Variants in SOX6 observed in about 807,000 individuals in gnomAD.
SOX6 encodes the protein transcription factor SOX-6.
SOX6 carries 11 observed loss-of-function variants against 97.8 expected under a neutral mutation model. The ratio of observed to expected loss-of-function variants is 0.11; its 90% CI spans 0.07 to 0.19. SOX6 has a LOEUF of 0.19. Among genes scored for constraint, SOX6 ranks in the 10% least tolerant of loss-of-function variants. The pLI is 1.00. For synonymous variants in SOX6, 360 were observed against 371.4 expected, an observed-to-expected ratio of 0.97 and a Z score of 0.35; for missense variants, 810 against 1,039.5, an observed-to-expected ratio of 0.78 and a Z score of 3.04.
At chr11:16,026,180 A>G (rs1025502691) in intron 12 of SOX6, among the ~76,000 whole-genome samples, 2 of 152,154 alleles carry the variant, frequency 1.3e-5, no homozygotes, top group African/African-American at 4.8e-5. Flanking sequence ...AAATCTTATG[A>G]TTCTATGATA....
chr11:16,646,467 C>T (rs207471674), intron 3 of SOX6, among the ~76,000 whole-genome samples: 6 of 149,104 alleles, frequency 4.0e-5, no homozygotes, highest in African/African-American at 9.8e-5. Context: ...TTTTTATTTT[C>T]TTTGTTTTTT....
At chr11:16,337,334 TAA>T (rs1856494350) in intron 2 of SOX6, among the ~76,000 whole-genome samples, 2 of 152,186 alleles carry the variant, frequency 1.3e-5, no homozygotes, top group South Asian at 4.1e-4. Context: ...CAACAATATA[TAA>T]GTTTATCTGT....
At chr11:16,043,521 G>C (rs953564666) in intron 12 of SOX6, among the ~76,000 whole-genome samples, 1 of 152,090 alleles carries the variant, frequency 6.6e-6, no homozygotes. Flanking sequence ...TGCCAAAATA[G>C]GGATTTACCC....
chr11:16,174,841 C>T (rs1851142133), intron 6 of SOX6, among the ~76,000 whole-genome samples: 1 of 152,008 alleles, frequency 6.6e-6, no homozygotes, highest in Admixed American at 6.6e-5. Flanking sequence ...ATTTACCATC[C>T]TTCTAACTTC....
chr11:16,300,146 T>G lies in SOX6; in HGVS notation c.445+18300A>C, dbSNP rs1302624654. On this transcript the variant is annotated intron_variant, in intron 3 of 15. Coordinates refer to ENST00000683767, the MANE Select transcript of SOX6 (RefSeq NM_001367873.1). This position sits in a 1 kb window ranked among gnomAD's most constrained non-coding sequence, Gnocchi z 4.1. ...GGATGGCAAGCGAGGCCCTTCCTCC[T>G]TCAGCAAGCTTCCCCAGTACTTGGG... Among the ~76,000 whole-genome samples, 1 of 152,138 alleles carries G rather than the reference T, an allele frequency of 6.6e-6. No homozygotes were observed. The highest frequency in any genetic ancestry group is 1.5e-5 in the Non-Finnish European group (1 of 68,030).
At chr11:16,382,998 A>G (rs1307523235) in intron 1 of SOX6, among the ~76,000 whole-genome samples, 2 of 151,948 alleles carry the variant, frequency 1.3e-5, no homozygotes, top group African/African-American at 4.8e-5. Flanking sequence ...TTGAGATTAA[A>G]TCCTGTTTTC....
At chr11:16,525,326 C>T (rs1365001572) in intron 4 of SOX6, among the ~76,000 whole-genome samples, 3 of 150,318 alleles carry the variant, frequency 2.0e-5, no homozygotes, top group Non-Finnish European at 4.5e-5. Context: ...GAAATAACGC[C>T]GCATATCTAC....
intron 9 of SOX6, among the ~76,000 whole-genome samples, chr11:16,057,681 T>C (rs2133923667): frequency 6.6e-6 from 1 of 152,300 alleles, no homozygotes; most frequent in African/African-American, 2.4e-5. Flanking sequence ...CTCATTTTGG[T>C]ACAAGAGCTT....
intron 1 of SOX6, among the ~76,000 whole-genome samples, chr11:16,349,933 A>ATGCC (rs1856892933): frequency 6.6e-6 from 1 of 152,174 alleles, no homozygotes; most frequent in Non-Finnish European, 1.5e-5. Context: ...CCTATAGCTA[A>ATGCC]TGCCTGATAT....
At chr11:16,490,651 T>C (rs536314898) in intron 4 of SOX6, among the ~76,000 whole-genome samples, 1 of 152,160 alleles carries the variant, frequency 6.6e-6, no homozygotes, top group Non-Finnish European at 1.5e-5. Context: ...AATTCATCAA[T>C]AAGATATAAC....
At chr11:16,484,184 T>C in intron 4 of SOX6, 1 of 793,476 alleles carries the variant, frequency 1.3e-6, no homozygotes, top group Non-Finnish European at 2.3e-6. Flanking sequence ...CTGGAAATGG[T>C]TGAAGTTGGA....
chr11:16,005,700 T>A (rs1020047100), intron 13 of SOX6, among the ~76,000 whole-genome samples: 1 of 152,008 alleles, frequency 6.6e-6, no homozygotes, highest in Admixed American at 6.6e-5. Context: ...AAAAAATACA[T>A]TGATACCAGT....
intron 1 of SOX6, among the ~76,000 whole-genome samples, chr11:16,371,194 T>C (rs138216683): frequency 7.5e-4 from 114 of 152,102 alleles, no homozygotes; most frequent in African/African-American, 2.6e-3. Flanking sequence ...TCCCTCCCTG[T>C]ACCTTGAACA....
chr11:16,582,159 G>A (rs1262272602), intron 4 of SOX6, among the ~76,000 whole-genome samples: 2 of 152,016 alleles, frequency 1.3e-5, no homozygotes, highest in Non-Finnish European at 2.9e-5. Flanking sequence ...GCGACTACCT[G>A]GGGAGGAAGT....
At chr11:16,522,713 A>C (rs138373625) in intron 4 of SOX6, among the ~76,000 whole-genome samples, 16,017 of 152,272 alleles carry the variant, frequency 0.11, 906 homozygotes, top group Non-Finnish European at 0.14. Context: ...AAGACCCATC[A>C]GTGTGCTGTA....
At chr11:15,985,620 A>C (rs926654310) in intron 15 of SOX6, among the ~76,000 whole-genome samples, 1 of 152,252 alleles carries the variant, frequency 6.6e-6, no homozygotes, top group Non-Finnish European at 1.5e-5. Flanking sequence ...ACAAAATGAC[A>C]TGAAATCAGA....
chr11:16,495,231 C>G (rs1360564466), intron 4 of SOX6, among the ~76,000 whole-genome samples: 1 of 152,164 alleles, frequency 6.6e-6, no homozygotes, highest in Non-Finnish European at 1.5e-5. Flanking sequence ...TCCCTAGCCA[C>G]CTGTCTATAG....
chr11:16,055,444 G>A (rs1309360986), intron 10 of SOX6, among the ~76,000 whole-genome samples: 4 of 152,006 alleles, frequency 2.6e-5, no homozygotes, highest in Non-Finnish European at 5.9e-5. Context: ...CCATGACAAA[G>A]ACTGGCAATA....
At chr11:16,323,045 T>G (rs773762707) in intron 2 of SOX6, among the ~76,000 whole-genome samples, 1 of 152,098 alleles carries the variant, frequency 6.6e-6, no homozygotes, top group South Asian at 2.1e-4. Flanking sequence ...TACTATAAAT[T>G]TCTTTTCTTT....
Sources: gnomAD v4.1 joint callset for allele counts (sites outside exome capture counted in the v4.1 genomes callset) on GRCh38, gnomAD v4.1.1 for gene constraint, Gnocchi (gnomAD v3.1) non-coding constraint, MANE v1.5 for transcripts, NCBI Gene and HGNC (gene_info 2026-07-23, HGNC 2026-07-21) for gene names.